CYP39A1: variants seen among roughly 807,000 people sequenced by gnomAD.
The protein encoded by CYP39A1 is 24-hydroxycholesterol 7-alpha-hydroxylase.
Under a neutral mutation model 58.1 loss-of-function variants are expected in CYP39A1, and 49 were observed. The observed-to-expected ratio is 0.84, with a 90% CI of 0.67 to 1.07. CYP39A1 has a LOEUF of 1.07. Among genes scored for constraint, CYP39A1 ranks in the 50% least tolerant of loss-of-function variants. CYP39A1 has a pLI of 0.00. For synonymous variants in CYP39A1, 209 were observed against 187.6 expected (o/e 1.11, Z -0.93); for missense variants, 531 against 539.4 (o/e 0.98, Z 0.16).
chr6:46,592,401 G>T (rs1772892680), intron 8 of CYP39A1, among the ~76,000 whole-genome samples: 1 of 152,076 alleles, frequency 6.6e-6, no homozygotes, highest in Non-Finnish European at 1.5e-5. Flanking sequence ...CTTCAGTTCA[G>T]CAAAAACATT....
At chr6:46,625,638 G>A in intron 6 of CYP39A1, 130 bp from the exon 7 acceptor site, 1 of 506,174 alleles carries the variant, frequency 2.0e-6, no homozygotes, top group Non-Finnish European at 3.3e-6. Context: ...CACATTAGTA[G>A]AAAGCATATT....
chr6:46,639,488 A>G lies in CYP39A1; in HGVS notation c.488+6T>C, dbSNP rs376382986. The G allele has an allele frequency of 9.3e-6, 15 of 1,613,526 alleles. No homozygotes were observed. The African/African-American group carries it at 1.6e-4, about 17-fold the overall frequency. On this transcript the variant is annotated splice_donor_region_variant and intron_variant, in intron 3 of 11. Coordinates refer to ENST00000275016, the MANE Select transcript of CYP39A1 (RefSeq NM_016593.5). ...AAGACTAAATCATACTAATGCGTCT[A>G]TTTACCTTACTAAGTTGTTCAGGTC...
At chr6:46,593,916 A>C (rs1772991539) in intron 8 of CYP39A1, among the ~76,000 whole-genome samples, 1 of 152,104 alleles carries the variant, frequency 6.6e-6, no homozygotes, top group Non-Finnish European at 1.5e-5. Flanking sequence ...CTGCCTCCTA[A>C]TATAAATTGA....
At chr6:46,565,833 A>T (rs530474418) in intron 10 of CYP39A1, among the ~76,000 whole-genome samples, 1 of 152,324 alleles carries the variant, frequency 6.6e-6, no homozygotes, top group East Asian at 1.9e-4. Context: ...AGATCCAATC[A>T]GATCACACAT....
intron 4 of CYP39A1, among the ~76,000 whole-genome samples, chr6:46,636,922 A>G (rs1443784355): frequency 2.0e-5 from 3 of 152,152 alleles, no homozygotes; most frequent in Non-Finnish European, 4.4e-5. Context: ...CTATGGTCTG[A>G]ATGTCTGTGT....
At chr6:46,572,243 A>G in intron 10 of CYP39A1, among the ~76,000 whole-genome samples, 1 of 152,106 alleles carries the variant, frequency 6.6e-6, no homozygotes, top group African/African-American at 2.4e-5. Flanking sequence ...TTTTGACTAT[A>G]TATTTACCAT....
chr6:46,630,334 T>C (rs751191204), intron 6 of CYP39A1, among the ~76,000 whole-genome samples: 3 of 152,262 alleles, frequency 2.0e-5, no homozygotes, highest in East Asian at 1.9e-4. Flanking sequence ...CTTATCTTAT[T>C]AAATCCTCAT....
rs3085597 is a variant in CYP39A1, at chr6:46,601,665, C to CTATTATTAT, written c.932-5554_932-5546dup. ...GGCATGTGGCAAAATCTCAGGTTAC[C>CTATTATTAT]TATTATTATTATTATTATTATTATT... is the stretch of plus-strand genomic sequence containing the variant. On this transcript the variant is annotated intron_variant, in intron 7 of 11. Transcript: ENST00000275016. Among the ~76,000 whole-genome samples, 1,155 of 145,392 alleles carry CTATTATTAT rather than the reference C, an allele frequency of 7.9e-3. 8 individuals are homozygous for CTATTATTAT. The highest frequency in any genetic ancestry group is 0.011 in the African/African-American group (418 of 39,472).
chr6:46,632,511 A>G (rs992545179), intron 5 of CYP39A1, among the ~76,000 whole-genome samples: 7 of 149,828 alleles, frequency 4.7e-5, no homozygotes, highest in African/African-American at 1.7e-4. Context: ...GGTTTGTTCT[A>G]TAGGTAAAAT....
chr6:46,564,387 G>T (rs1337076608), intron 10 of CYP39A1, among the ~76,000 whole-genome samples: 1 of 151,642 alleles, frequency 6.6e-6, no homozygotes, highest in Non-Finnish European at 1.5e-5. Flanking sequence ...GTAGAGACGA[G>T]GTTTCACCAT....
intron 1 of CYP39A1, among the ~76,000 whole-genome samples, chr6:46,648,061 G>A (rs1465345467): frequency 1.3e-5 from 2 of 152,166 alleles, no homozygotes; most frequent in African/African-American, 4.8e-5. Context: ...TACACTGTTG[G>A]TGGGACTGTA....
rs1775810206 is a variant in CYP39A1, at chr6:46,633,945, TAC to T, written c.732+2442_732+2443del. ...CTGCTAGAGGAAAACAGAGACGCAATACATAAAAAAATAAAGTTAAACTGCTC... is the reference window on the plus strand; with the variant it reads ...CTGCTAGAGGAAAACAGAGACGCAATATAAAAAAATAAAGTTAAACTGCTC... On this transcript the variant is annotated intron_variant, in intron 5 of 11. Transcript: ENST00000275016. Among the ~76,000 whole-genome samples, 16 of 152,218 alleles carry T rather than the reference TAC, an allele frequency of 1.1e-4. No individual in the cohort carries two copies. The South Asian group carries it at 3.3e-3, about 32-fold the overall frequency.
chr6:46,623,106 T>C (rs1775071572), intron 7 of CYP39A1, among the ~76,000 whole-genome samples: 1 of 152,194 alleles, frequency 6.6e-6, no homozygotes, highest in African/African-American at 2.4e-5. Context: ...GACAAGAGCA[T>C]AGAACAGAAA....
chr6:46,571,440 C>A (rs1489519174), intron 10 of CYP39A1, among the ~76,000 whole-genome samples: 2 of 151,736 alleles, frequency 1.3e-5, no homozygotes, highest in Non-Finnish European at 2.9e-5. Context: ...ATTGTTTTAC[C>A]CTCTTGATGA....
intron 1 of CYP39A1, among the ~76,000 whole-genome samples, chr6:46,643,238 T>A (rs548191431): frequency 1.3e-5 from 2 of 152,244 alleles, no homozygotes; most frequent in Non-Finnish European, 2.9e-5. Context: ...AACCTCAGTC[T>A]TCTCCATGAC....
intron 3 of CYP39A1, among the ~76,000 whole-genome samples, chr6:46,638,733 C>T (rs1203143592): frequency 2.0e-5 from 3 of 151,950 alleles, no homozygotes; most frequent in African/African-American, 4.8e-5. Context: ...TACTACTGGA[C>T]CTCTAACAAA....
At chr6:46,582,918 G>T in intron 10 of CYP39A1, 1 of 266,008 alleles carries the variant, frequency 3.8e-6, no homozygotes, top group Non-Finnish European at 5.8e-6. Context: ...AAGAATAATT[G>T]TATTAATACT....
chr6:46,629,141 C>T (rs985685565), intron 6 of CYP39A1, among the ~76,000 whole-genome samples: 3 of 152,106 alleles, frequency 2.0e-5, no homozygotes, highest in African/African-American at 7.2e-5. Flanking sequence ...CTTGGAGGTG[C>T]CAACAAGAGC....
In CYP39A1 at chr6:46,633,617, G is replaced by A. The variant is rs151314052; in HGVS notation, c.733-2547C>T. Among the ~76,000 whole-genome samples, 1,203 of 152,188 alleles carry A rather than the reference G, an allele frequency of 7.9e-3. 14 individuals carry two copies. The highest frequency in any genetic ancestry group is 0.026 in the African/African-American group (1,097 of 41,506). Reference sequence around the variant, plus strand: ...CTCACGCCTGTAATCCCAGCAGTTCGGGAGGCCGAGGCAGGTGGGTCACGA... The same window carrying A: ...CTCACGCCTGTAATCCCAGCAGTTCAGGAGGCCGAGGCAGGTGGGTCACGA... On this transcript the variant is annotated intron_variant, in intron 5 of 11. Coordinates refer to ENST00000275016, the MANE Select transcript of CYP39A1 (RefSeq NM_016593.5).
Sources: gnomAD v4.1 joint callset for allele counts (sites outside exome capture counted in the v4.1 genomes callset) on GRCh38, gnomAD v4.1.1 for gene constraint, MANE v1.5 for transcripts, NCBI Gene and HGNC (gene_info 2026-07-23, HGNC 2026-07-21) for gene names.